MDN1: variants seen among roughly 807,000 people sequenced by gnomAD.
The protein encoded by MDN1 is midasin.
In MDN1, 266 loss-of-function variants were observed where a neutral mutation model predicts 669.2. The observed-to-expected ratio is 0.40, with a 90% CI of 0.36 to 0.44. The LOEUF is 0.44. Ranked by LOEUF, MDN1 falls within the 20% of genes least tolerant of loss-of-function variation. MDN1 has a pLI of 1.00. For missense variants in MDN1, 5,940 were observed against 6,754.0 expected (o/e 0.88, Z 4.22); for synonymous variants, 2,385 against 2,457.1 (o/e 0.97, Z 0.87).
chr6:89,707,303 T>A, intron 52 of MDN1, 58 bp downstream of exon 52: 1 of 1,265,030 alleles, frequency 7.9e-7, no homozygotes. Flanking sequence ...CTCTCAACTT[T>A]AGCAACATTA....
At chr6:89,768,561 C>T (rs1211635873) in intron 15 of MDN1, among the ~76,000 whole-genome samples, 1 of 152,024 alleles carries the variant, frequency 6.6e-6, no homozygotes, top group Non-Finnish European at 1.5e-5. Context: ...CAGAGTGTGA[C>T]CTCATCTCTA....
At chr6:89,794,483 A>T in intron 3 of MDN1, 94 bp downstream of exon 3, 3 of 1,234,232 alleles carry the variant, frequency 2.4e-6, no homozygotes, top group Non-Finnish European at 3.5e-6. Flanking sequence ...AACAAATTTT[A>T]AATGGTTTCC....
At position 89,725,325 on chromosome 6, in the gene MDN1, C is replaced by G; in HGVS notation, c.5544G>C (p.Val1848=). Residue 1848 remains valine, a synonymous_variant, in exon 38 of 102, where the codon GTG becomes GTC. Coordinates refer to ENST00000369393, the MANE Select transcript of MDN1 (RefSeq NM_014611.3). ...ACFDHRGEIY[V]PELGMSFQVQ... is the part of the protein sequence containing the mutation. ...CTTGAAAGCTCATTCCTAACTCAGG[C>G]ACATAGATTTCTCCTCGGTGGTCAA... 6.2e-7 allele frequency: 1 copy of G among 1,613,992 alleles called. No homozygotes were observed. The highest frequency in any genetic ancestry group is 8.5e-7 in the Non-Finnish European group (1 of 1,179,966).
At chr6:89,776,279 T>C (rs1818348799) in intron 12 of MDN1, among the ~76,000 whole-genome samples, 1 of 152,066 alleles carries the variant, frequency 6.6e-6, no homozygotes, top group South Asian at 2.1e-4. Context: ...CTGACCAACA[T>C]GGAGAAACCC....
At position 89,655,824 on chromosome 6, in the gene MDN1, C is replaced by T. The variant is rs1319106836; in HGVS notation, c.15430G>A (p.Asp5144Asn). The change falls in exon 92 of 102, where the codon GAT (aspartate) becomes AAT (asparagine). Residue 5144 changes from aspartate (D) to asparagine (N), a missense_variant. Transcript: ENST00000369393. ...PAQQPQAQVE[D>N]ADAFEHIKQG... is the part of the protein sequence containing the mutation. The stretch of plus-strand genomic sequence containing the variant: ...TTAATGTGCTCGAATGCATCTGCAT[C>T]CTCCACCTGGGCCTGGGGCTGCTGA... 6.2e-7 allele frequency: 1 copy of T among 1,613,898 alleles called. No homozygotes were observed. The highest frequency in any genetic ancestry group is 8.5e-7 in the Non-Finnish European group (1 of 1,180,010).
At chr6:89,671,189 A>T in intron 82 of MDN1, 109 bp from the exon 83 acceptor site, 1 of 1,186,486 alleles carries the variant, frequency 8.4e-7, no homozygotes, top group Non-Finnish European at 1.2e-6. Context: ...GAATGTACTA[A>T]ATAGTACTAA....
rs1812179014 is a variant in MDN1, at chr6:89,688,621, A to G, written c.11211T>C (p.Ala3737=). Residue 3737 remains alanine (A), a synonymous_variant, in exon 66 of 102, where the codon GCT becomes GCC. Transcript: ENST00000369393. The stretch of plus-strand genomic sequence containing the variant: ...GCCAGTCCTGTAGCAAGTGACTGAC[A>G]GCCTCTGAGAAACCTTGAAGCACAG... ...CQPVLQGFSE[A]VSHLLQDWPE... 1.9e-6 allele frequency: 3 copies of G among 1,614,084 alleles called. No homozygotes were observed. The highest frequency in any genetic ancestry group is 2.5e-6 in the Non-Finnish European group (3 of 1,180,024).
Position 89,745,377 on chromosome 6 carries a change from A to G in MDN1, c.4074T>C (p.Cys1358=). 1 of 1,614,084 alleles carries G rather than the reference A, an allele frequency of 6.2e-7. No individual in the cohort carries two copies. The highest frequency in any genetic ancestry group is 8.5e-7 in the Non-Finnish European group (1 of 1,179,976). The change falls in exon 29 of 102, where the codon TGT becomes TGC. Residue 1358 remains cysteine, a synonymous_variant. Coordinates refer to ENST00000369393, the MANE Select transcript of MDN1 (RefSeq NM_014611.3). ...KLSTQISTLE[C]NFGHIVWTEG... ...CAGTCCACACGATATGGCCAAAGTT[A>G]CACTCCAATGTGGATATCTGAGTAG... is the stretch of plus-strand genomic sequence containing the variant.
In MDN1 at chr6:89,751,598, G is replaced by A. The variant is rs1205136330; in HGVS notation, c.3076-16C>T. ...CTGGAATAGGCTGAAAGACACAGAA[G>A]TTCAAGGAATAACCCACAGTTGTAC... On this transcript the variant is annotated splice_polypyrimidine_tract_variant and intron_variant, in intron 22 of 101. Coordinates refer to ENST00000369393, the MANE Select transcript of MDN1 (RefSeq NM_014611.3). 6.2e-6 allele frequency: 10 copies of A among 1,611,214 alleles called. No homozygotes were observed. The Admixed American group carries it at 6.7e-5, about 11-fold the overall frequency.
At chr6:89,759,018 G>A (rs1817401094) in intron 17 of MDN1, 58 bp from the exon 18 acceptor site, 6 of 1,525,282 alleles carry the variant, frequency 3.9e-6, no homozygotes, top group Admixed American at 1.7e-5. Flanking sequence ...CACTTGCCAA[G>A]AACAGTTATG....
intron 59 of MDN1, among the ~76,000 whole-genome samples, chr6:89,697,775 T>C (rs1022619269): frequency 1.3e-5 from 2 of 151,742 alleles, no homozygotes; most frequent in Admixed American, 6.6e-5. Context: ...AGAGACAGGG[T>C]TTCACCATGT....
At chr6:89,778,204 A>T (rs984136798) in intron 11 of MDN1, among the ~76,000 whole-genome samples, 1 of 79,040 alleles carries the variant, frequency 1.3e-5, no homozygotes, top group African/African-American at 3.8e-5. Flanking sequence ...CTCAACTAAT[A>T]AAAAAAAAAA....
intron 7 of MDN1, 27 bp downstream of exon 7, chr6:89,789,753 G>T (rs1183314548): frequency 6.4e-7 from 1 of 1,566,386 alleles, no homozygotes; most frequent in Non-Finnish European, 8.6e-7. Context: ...TATATTAAGG[G>T]ACAATGAATT....
chr6:89,747,566 T>C, intron 26 of MDN1, 96 bp from the exon 27 acceptor site: 2 of 1,291,742 alleles, frequency 1.5e-6, no homozygotes, highest in Non-Finnish European at 2.1e-6. Flanking sequence ...AAATTTATGC[T>C]CCCATTTAAA....
chr6:89,776,621 T>G lies in MDN1; in HGVS notation c.1800A>C (p.Lys600Asn). The change falls in exon 12 of 102, where the codon AAA (lysine) becomes AAC (asparagine). Residue 600 changes from lysine to asparagine, a missense_variant. Transcript: ENST00000369393. ...ATACCTTTTTTCTAGAAATGTTCAA[T>G]TTGCTTCCAATAACTTCTGCCATTT... ...KLKMAEVIGSKLNISRKKAEF... is the reference protein window; with the variant it reads ...KLKMAEVIGSNLNISRKKAEF... 6.2e-7 allele frequency: 1 copy of G among 1,611,922 alleles called. No individual in the cohort carries two copies. Among genetic ancestry groups the G allele is most frequent in the Non-Finnish European group, 8.5e-7 (1 of 1,178,072 alleles).
chr6:89,694,816 G>C (rs149169828), intron 61 of MDN1, among the ~76,000 whole-genome samples: 237 of 151,542 alleles, frequency 1.6e-3, no homozygotes, highest in African/African-American at 5.0e-3. Context: ...GCCCCTCAAA[G>C]TGCTGAGATT....
chr6:89,749,614 C>A lies in MDN1; in HGVS notation c.3544G>T (p.Val1182Phe), dbSNP rs115155680. Residue 1182 changes from valine (V) to phenylalanine (F), a missense_variant, in exon 25 of 102, where the codon GTT becomes TTT. Val to Phe is a conservative substitution (Grantham distance 50). Transcript: ENST00000369393. ...RELLVTETQEVVKAHPRFMLF... is the reference protein window; with the variant it reads ...RELLVTETQEFVKAHPRFMLF... ...ATAAACCGAGGGTGTGCTTTAACAA[C>A]TTCCTGTGTTTCTGTTACTAGCAAT... 3.6e-4 allele frequency: 586 copies of A among 1,614,154 alleles called. 3 individuals are homozygous for A. In the African/African-American group the frequency reaches 4.5e-3, roughly 12 times the overall value.
intron 2 of MDN1, among the ~76,000 whole-genome samples, chr6:89,797,372 C>A (rs868555470): frequency 1.7e-3 from 165 of 97,592 alleles, no homozygotes; most frequent in Middle Eastern, 5.2e-3. Flanking sequence ...GACTCCATCT[C>A]AAAAAAAAAA....
intron 40 of MDN1, 35 bp from the exon 41 acceptor site, chr6:89,719,260 T>C (rs1401127183): frequency 1.9e-6 from 3 of 1,542,964 alleles, no homozygotes; most frequent in Non-Finnish European, 2.7e-6. Context: ...AAAACACAAA[T>C]CACTCCACCT....
Sources: allele counts gnomAD v4.1 joint callset (sites outside exome capture counted in the v4.1 genomes callset), GRCh38; gene constraint gnomAD v4.1.1; transcripts MANE v1.5; gene names NCBI Gene and HGNC (gene_info 2026-07-23, HGNC 2026-07-21).